Variants in EPB41L3 observed in about 807,000 individuals in gnomAD.
EPB41L3 encodes the protein band 4.1-like protein 3.
EPB41L3 carries 57 observed loss-of-function variants against 127.1 expected under a neutral mutation model. The ratio of observed to expected loss-of-function variants is 0.45; its 90% CI spans 0.36 to 0.56. The LOEUF is 0.56. Among genes scored for constraint, EPB41L3 ranks in the 20% least tolerant of loss-of-function variants. The pLI, the probability that EPB41L3 is intolerant of heterozygous loss-of-function variation, is 0.00. For missense variants in EPB41L3, 1,273 were observed against 1,372.2 expected (o/e 0.93, Z 1.14); for synonymous variants, 572 against 549.5 (o/e 1.04, Z -0.57).
intron 3 of EPB41L3, among the ~76,000 whole-genome samples, chr18:5,446,203 C>CT (rs1048931187): frequency 1.3e-5 from 2 of 152,006 alleles, no homozygotes; most frequent in African/African-American, 4.8e-5. Context: ...TTTCTCTTAA[C>CT]TTTTTTAGAG....
rs960816392 is a variant in EPB41L3 at position 5,508,396 on chromosome 18, T to C, written c.-11-19202A>G. 4.6e-5 allele frequency: 7 copies of C among 152,294 alleles called. No homozygotes were observed. The East Asian group carries it at 1.4e-3, about 29-fold the overall frequency. 9.4% of individuals were successfully genotyped at this position (152,294 alleles called of 1,614,324 possible). On this transcript the variant is annotated intron_variant, in intron 1 of 22. Coordinates refer to ENST00000341928, the MANE Select transcript of EPB41L3 (RefSeq NM_012307.5). ...CTATCTCTGTCTAATGCCAAAACTT[T>C]TGCAAAGTATTCCTGTCCTATTTTC...
At chr18:5,621,178 T>C (rs1358197357) in intron 1 of EPB41L3, among the ~76,000 whole-genome samples, 2 of 152,140 alleles carry the variant, frequency 1.3e-5, no homozygotes, top group Non-Finnish European at 2.9e-5. Context: ...AGATATTTGA[T>C]GTTAGGCGTC....
chr18:5,448,476 A>G (rs1467543975), intron 3 of EPB41L3, among the ~76,000 whole-genome samples: 1 of 152,174 alleles, frequency 6.6e-6, no homozygotes, highest in Non-Finnish European at 1.5e-5. Flanking sequence ...CTAAATCTCA[A>G]CAATCAATCA....
At chr18:5,437,540 T>C (rs141899941) in intron 6 of EPB41L3, among the ~76,000 whole-genome samples, 2 of 152,354 alleles carry the variant, frequency 1.3e-5, no homozygotes, top group Admixed American at 1.3e-4. Flanking sequence ...TGAAATATTT[T>C]AATGTTTTGA....
intron 1 of EPB41L3, among the ~76,000 whole-genome samples, chr18:5,620,698 A>G (rs1214300406): frequency 6.6e-6 from 1 of 152,196 alleles, no homozygotes; most frequent in Non-Finnish European, 1.5e-5. Context: ...TGACCTTTTT[A>G]AAAATAAGAT....
intron 6 of EPB41L3, among the ~76,000 whole-genome samples, chr18:5,435,117 T>A (rs2079567972): frequency 6.6e-6 from 1 of 152,200 alleles, no homozygotes; most frequent in African/African-American, 2.4e-5. Flanking sequence ...AGAATAAGGA[T>A]ATAAAGAAAG....
upstream of EPB41L3, among the ~76,000 whole-genome samples, chr18:5,545,524 T>C (rs76199248): frequency 1.6e-3 from 244 of 152,318 alleles, no homozygotes; most frequent in African/African-American, 5.7e-3. Context: ...GTTGGAAAAT[T>C]ATAGTTACTA....
chr18:5,576,401 T>C (rs1255972880), intron 3 of EPB41L3, among the ~76,000 whole-genome samples: 1 of 152,158 alleles, frequency 6.6e-6, no homozygotes, highest in African/African-American at 2.4e-5. Context: ...TCCCTCAGGA[T>C]GAGGCAGGTG....
chr18:5,577,147 G>A (rs139288417), intron 3 of EPB41L3, among the ~76,000 whole-genome samples: 50 of 152,294 alleles, frequency 3.3e-4, no homozygotes, highest in Admixed American at 9.8e-4. Flanking sequence ...AACAATTAGC[G>A]TAGCAAAGAC....
rs1258430049 is a variant in EPB41L3 at position 5,433,512 on chromosome 18, G to A, written c.869C>T (p.Ala290Val). ...TACCCCATACATTGATAATTTTTTG[G>A]CATTTTCCAAGAAATGCATCTCTGC... ...AEAEMHFLEN[A>V]KKLSMYGVDL... is the part of the protein sequence containing the mutation. The change falls in exon 8 of 23, where the codon GCC becomes GTC. Residue 290 changes from alanine (A) to valine (V), a missense_variant. Ala to Val is a moderately conservative substitution (Grantham distance 64). Coordinates refer to ENST00000341928, the MANE Select transcript of EPB41L3 (RefSeq NM_012307.5). The A allele has an allele frequency of 3.1e-6, 5 of 1,613,256 alleles. No homozygotes were observed. The highest frequency in any genetic ancestry group is 4.2e-6 in the Non-Finnish European group (5 of 1,179,808).
intron 1 of EPB41L3, among the ~76,000 whole-genome samples, chr18:5,617,712 CCTAT>C (rs2144160187): frequency 6.6e-6 from 1 of 152,280 alleles, no homozygotes; most frequent in Admixed American, 6.5e-5. Flanking sequence ...ACACTAATTT[CCTAT>C]CTATTACTTG....
chr18:5,583,983 T>G (rs1395080939), intron 3 of EPB41L3, among the ~76,000 whole-genome samples: 1 of 152,152 alleles, frequency 6.6e-6, no homozygotes, highest in East Asian at 1.9e-4. Context: ...TAATTTTGTA[T>G]TTTTAGTAGA....
intron 1 of EPB41L3, among the ~76,000 whole-genome samples, chr18:5,506,031 C>A (rs2092171354): frequency 6.6e-6 from 1 of 151,782 alleles, no homozygotes. Flanking sequence ...CCCCTCCCTG[C>A]CACACCCTCA....
At chr18:5,480,480 T>C (rs1478036371) in intron 2 of EPB41L3, among the ~76,000 whole-genome samples, 7 of 152,208 alleles carry the variant, frequency 4.6e-5, no homozygotes, top group African/African-American at 1.4e-4. Flanking sequence ...TAAGAAACTC[T>C]TGAGGCATAA....
chr18:5,515,126 C>T (rs756314379), intron 1 of EPB41L3, among the ~76,000 whole-genome samples: 12 of 152,116 alleles, frequency 7.9e-5, no homozygotes, highest in Non-Finnish European at 1.6e-4. Flanking sequence ...ACTTTGGCTC[C>T]TTGGTGCCCA....
At chr18:5,506,617 C>T (rs1404180052) in intron 1 of EPB41L3, among the ~76,000 whole-genome samples, 1 of 152,270 alleles carries the variant, frequency 6.6e-6, no homozygotes, top group South Asian at 2.1e-4. Context: ...TTTACTGTCT[C>T]CTCCCATCAG....
At chr18:5,493,997 T>C (rs992383075) in intron 1 of EPB41L3, among the ~76,000 whole-genome samples, 7 of 152,152 alleles carry the variant, frequency 4.6e-5, no homozygotes, top group African/African-American at 1.7e-4. Flanking sequence ...CAAATCCATC[T>C]CACTCTTTAA....
rs550268047 is a variant in EPB41L3 at position 5,398,246 on chromosome 18, A to G, written c.2350-103T>C. Reference sequence around the variant, plus strand: ...AGACAAAATCGTAGGCAGAGGAGACAGGGAGGAGGAAGAACGAAGGAATCT... The same window carrying G: ...AGACAAAATCGTAGGCAGAGGAGACGGGGAGGAGGAAGAACGAAGGAATCT... On this transcript the variant is annotated intron_variant, in intron 16 of 22. Transcript: ENST00000341928. 33 of 1,339,952 alleles carry G rather than the reference A, an allele frequency of 2.5e-5. No homozygotes were observed. The Admixed American group carries it at 5.3e-4, about 22-fold the overall frequency. 83.0% of individuals were successfully genotyped at this position (1,339,952 alleles called of 1,614,324 possible).
chr18:5,581,274 G>C (rs1361151197), intron 3 of EPB41L3, among the ~76,000 whole-genome samples: 1 of 152,028 alleles, frequency 6.6e-6, no homozygotes, highest in Non-Finnish European at 1.5e-5. Flanking sequence ...ATCTGGTTTT[G>C]CTAAATTTAT....
Sources: gnomAD v4.1 joint callset for allele counts (sites outside exome capture counted in the v4.1 genomes callset) on GRCh38, gnomAD v4.1.1 for gene constraint, MANE v1.5 for transcripts, NCBI Gene and HGNC (gene_info 2026-07-23, HGNC 2026-07-21) for gene names.